Variants in UNC80 observed in about 807,000 individuals in gnomAD.
UNC80 encodes the protein unc-80 subunit of NALCN channel complex, also known as protein unc-80 homolog.
A neutral mutation model predicts 384.6 loss-of-function variants in UNC80; 164 were observed. The ratio of observed to expected loss-of-function variants is 0.43; its 90% CI spans 0.38 to 0.49. The LOEUF (loss-of-function observed/expected upper bound fraction) is 0.49. Among genes scored for constraint, UNC80 ranks in the 20% least tolerant of loss-of-function variants. UNC80 has a pLI of 0.00. For missense variants in UNC80, 3,330 were observed against 4,143.0 expected (o/e 0.80, Z 5.39); for synonymous variants, 1,486 against 1,527.8 (o/e 0.97, Z 0.64).
chr2:209,925,297 A>ACTACGAAGC (rs936142181), intron 35 of UNC80, among the ~76,000 whole-genome samples: 2 of 152,162 alleles, frequency 1.3e-5, no homozygotes, highest in African/African-American at 4.8e-5. Flanking sequence ...ACATGCATCT[A>ACTACGAAGC]CTACGAAGCT....
rs990918249 is a variant in UNC80, at chr2:209,834,160, C to G, written c.2934C>G (p.Gly978=). The G allele has an allele frequency of 1.3e-6, 2 of 1,551,422 alleles. No individual in the cohort carries two copies. Among genetic ancestry groups the G allele is most frequent in the African/African-American group, 2.7e-5 (2 of 73,146 alleles). The change falls in exon 17 of 65, where the codon GGC becomes GGG. Residue 978 remains glycine, a synonymous_variant. Transcript: ENST00000673920. Reference sequence around the variant, plus strand: ...ATGAACAGGAATCTAAGCCTGCAGGCAGTAAAAGGTTGGAAGCTTGAACTC... The same window carrying G: ...ATGAACAGGAATCTAAGCCTGCAGGGAGTAAAAGGTTGGAAGCTTGAACTC... ...EENEQESKPA[G]SKRSEAGSIV...
Position 209,849,515 on chromosome 2 carries a change from G to A in UNC80, c.3519G>A (p.Val1173=). The A allele has an allele frequency of 6.4e-7, 1 of 1,551,036 alleles. No homozygotes were observed. Among genetic ancestry groups the A allele is most frequent in the Non-Finnish European group, 8.7e-7 (1 of 1,146,554 alleles). ...ATGGTGGAAAAAGCAAAAACGTGGT[G>A]AATCTTGGAGCAATCCGACAAGGCA... ...NQDGGKSKNV[V]NLGAIRQGMK... The change falls in exon 22 of 65, where the codon GTG becomes GTA. Residue 1173 remains valine (V), a synonymous_variant. Coordinates refer to ENST00000673920, the MANE Select transcript of UNC80 (RefSeq NM_001371986.1).
chr2:209,847,646 G>A (rs1461637079), intron 21 of UNC80, among the ~76,000 whole-genome samples: 1 of 151,814 alleles, frequency 6.6e-6, no homozygotes, highest in African/African-American at 2.4e-5. Context: ...CAATTAAAAT[G>A]GCATTTCTTT....
chr2:209,961,067 GTGTGTGTGTA>G (rs2125002651), intron 51 of UNC80: 1 of 152,360 alleles, frequency 6.6e-6, no homozygotes, highest in East Asian at 1.9e-4. Context: ...ATGGATGTGT[GTGTGTGTGTA>G]TGTGTGTGTG....
chr2:209,937,755 C>A, intron 42 of UNC80, 125 bp downstream of exon 42: 1 of 684,724 alleles, frequency 1.5e-6, no homozygotes, highest in Non-Finnish European at 2.5e-6. Context: ...CAGTAGTTGG[C>A]CCTCACTCAA....
chr2:209,808,342 C>G (rs893398144), intron 7 of UNC80, among the ~76,000 whole-genome samples: 2 of 151,994 alleles, frequency 1.3e-5, no homozygotes, highest in Non-Finnish European at 2.9e-5. Context: ...GCGAGTGGGT[C>G]ACCTGAGGTC....
chr2:209,865,026 A>G (rs1320517392), intron 22 of UNC80, among the ~76,000 whole-genome samples: 1 of 152,194 alleles, frequency 6.6e-6, no homozygotes, highest in Non-Finnish European at 1.5e-5. Flanking sequence ...CCATGTTAAA[A>G]GCACGGCTTC....
chr2:209,955,514 G>C (rs754633808), intron 48 of UNC80, among the ~76,000 whole-genome samples: 55 of 151,538 alleles, frequency 3.6e-4, no homozygotes, highest in South Asian at 8.3e-4. Context: ...CTCTTCCAAG[G>C]AGAAATAGTT....
At chr2:209,860,987 T>C (rs1018983130) in intron 22 of UNC80, among the ~76,000 whole-genome samples, 1 of 152,238 alleles carries the variant, frequency 6.6e-6, no homozygotes, top group African/African-American at 2.4e-5. Flanking sequence ...AATCATGTCG[T>C]CTGCAAACAA....
At chr2:209,857,036 C>T (rs1293614455) in intron 22 of UNC80, among the ~76,000 whole-genome samples, 2 of 152,020 alleles carry the variant, frequency 1.3e-5, no homozygotes, top group African/African-American at 4.8e-5. Context: ...GTAATCCACC[C>T]ACCTTGCCTT....
chr2:209,786,193 T>A lies in UNC80; in HGVS notation c.724+4T>A, dbSNP rs983973583. On this transcript the variant is annotated splice_donor_region_variant and intron_variant, in intron 5 of 64. Coordinates refer to ENST00000673920, the MANE Select transcript of UNC80 (RefSeq NM_001371986.1). Reference sequence around the variant, plus strand: ...CCCATCAGGAACATCATTACAGGTTTGTAACTTGGACACTCAGTAGGACAG... The same window carrying A: ...CCCATCAGGAACATCATTACAGGTTAGTAACTTGGACACTCAGTAGGACAG... The A allele has an allele frequency of 2.0e-5, 33 of 1,613,244 alleles. No individual in the cohort carries two copies. The highest frequency in any genetic ancestry group is 2.6e-5 in the Non-Finnish European group (31 of 1,179,578).
chr2:209,872,638 A>T lies in UNC80; in HGVS notation c.3628-120A>T, dbSNP rs1222159683. 2 of 971,800 alleles carry T rather than the reference A, an allele frequency of 2.1e-6. No homozygotes were observed. Among genetic ancestry groups the T allele is most frequent in the Non-Finnish European group, 3.1e-6 (2 of 645,316 alleles). The allele number at this position is 971,800 out of a possible 1,614,324, so 60.2% of individuals were successfully genotyped here. On this transcript the variant is annotated intron_variant, in intron 22 of 64. Transcript: ENST00000673920. The surrounding 1 kb of genome is among the most constrained non-coding windows in gnomAD (Gnocchi z 4.1). ...GACACCACCCTGGGAAATATGGCCAATATAAATCAAAACATGAAGAGGAAA... is the reference window on the plus strand; with the variant it reads ...GACACCACCCTGGGAAATATGGCCATTATAAATCAAAACATGAAGAGGAAA...
chr2:209,806,217 A>G (rs1044039139), intron 7 of UNC80, among the ~76,000 whole-genome samples: 2 of 152,246 alleles, frequency 1.3e-5, no homozygotes, highest in African/African-American at 4.8e-5. Context: ...CATAATAAGC[A>G]TAGAAATTTA....
chr2:209,914,044 A>T (rs1404232562), intron 31 of UNC80, 104 bp downstream of exon 31: 16 of 1,354,574 alleles, frequency 1.2e-5, no homozygotes, highest in Middle Eastern at 2.6e-4. Flanking sequence ...CTCCTAGGTC[A>T]AGTTAATGGC....
chr2:209,777,331 C>G lies in UNC80; in HGVS notation c.372C>G (p.Pro124=), dbSNP rs2076922837. 1 of 1,614,148 alleles carries G rather than the reference C, an allele frequency of 6.2e-7. No individual in the cohort carries two copies. Among genetic ancestry groups the G allele is most frequent in the Non-Finnish European group, 8.5e-7 (1 of 1,180,024 alleles). Reference sequence around the variant, plus strand: ...TACACTGGATGCTTCTGGAGGCCCCCCAGGACTGCAACAATGAGCGGTTTG... The same window carrying G: ...TACACTGGATGCTTCTGGAGGCCCCGCAGGACTGCAACAATGAGCGGTTTG... ...HTLHWMLLEA[P]QDCNNERFGG... The change falls in exon 4 of 65, where the codon CCC becomes CCG. Residue 124 remains proline, a synonymous_variant. Transcript: ENST00000673920.
At chr2:209,950,316 G>T (rs1304628462) in intron 47 of UNC80, among the ~76,000 whole-genome samples, 2 of 151,620 alleles carry the variant, frequency 1.3e-5, no homozygotes, top group African/African-American at 2.4e-5. Flanking sequence ...ACAGAAATTT[G>T]TTCCTGATAT....
intron 8 of UNC80, among the ~76,000 whole-genome samples, chr2:209,814,440 G>A (rs2079590295): frequency 6.6e-6 from 1 of 152,046 alleles, no homozygotes; most frequent in South Asian, 2.1e-4. Flanking sequence ...TAGAGACAGG[G>A]TTTCACCGTG....
intron 51 of UNC80, among the ~76,000 whole-genome samples, chr2:209,964,809 T>G (rs1331527621): frequency 6.8e-6 from 1 of 146,672 alleles, no homozygotes; most frequent in African/African-American, 2.5e-5. Flanking sequence ...AAAAGACAAG[T>G]ACAGAAGGGG....
intron 47 of UNC80, among the ~76,000 whole-genome samples, chr2:209,946,715 A>G (rs1224418252): frequency 1.3e-5 from 2 of 152,328 alleles, no homozygotes; most frequent in African/African-American, 4.8e-5. Context: ...AGTCATCCCA[A>G]TTCAAAGATG....
Sources: gnomAD v4.1 joint callset for allele counts (sites outside exome capture counted in the v4.1 genomes callset) on GRCh38, gnomAD v4.1.1 for gene constraint, Gnocchi (gnomAD v3.1) non-coding constraint, MANE v1.5 for transcripts, NCBI Gene and HGNC (gene_info 2026-07-23, HGNC 2026-07-21) for gene names.